FAT3: variants seen among roughly 807,000 people sequenced by gnomAD.
The protein encoded by FAT3 is protocadherin Fat 3.
FAT3 carries 95 observed loss-of-function variants against 310.2 expected under a neutral mutation model. That is an observed-to-expected ratio of 0.31 (90% CI 0.26 to 0.36). FAT3 has a LOEUF of 0.36. Ranked by LOEUF, FAT3 falls within the 10% of genes least tolerant of loss-of-function variation. The pLI, the probability that FAT3 is intolerant of heterozygous loss-of-function variation, is 1.00. For synonymous variants in FAT3, 2,314 were observed against 2,192.9 expected (o/e 1.06, Z -1.54); for missense variants, 5,408 against 5,715.6 (o/e 0.95, Z 1.74).
intron 1 of FAT3, among the ~76,000 whole-genome samples, chr11:92,263,937 T>C (rs1391640662): frequency 6.6e-6 from 1 of 152,106 alleles, no homozygotes; most frequent in Non-Finnish European, 1.5e-5. Context: ...GGCATTACGC[T>C]AGTGAGGCAG....
At chr11:92,827,935 C>T (rs1948142136) in intron 13 of FAT3, among the ~76,000 whole-genome samples, 1 of 152,180 alleles carries the variant, frequency 6.6e-6, no homozygotes, top group Non-Finnish European at 1.5e-5. Context: ...TCTTGGTAAC[C>T]TGGCATTTCA....
chr11:92,742,109 A>T (rs1185170016), intron 4 of FAT3, among the ~76,000 whole-genome samples: 1 of 152,224 alleles, frequency 6.6e-6, no homozygotes, highest in East Asian at 1.9e-4. Context: ...GCATTGTCTT[A>T]TCCCTCAGAG....
At chr11:92,458,298 T>A (rs1462603305) in intron 2 of FAT3, among the ~76,000 whole-genome samples, 1 of 152,208 alleles carries the variant, frequency 6.6e-6, no homozygotes, top group Non-Finnish European at 1.5e-5. Flanking sequence ...TGCCCATTAA[T>A]CTGTATTTGG....
In FAT3 at chr11:92,449,096, C is replaced by T. The variant is rs1486555930; in HGVS notation, c.3293-75538C>T. On this transcript the variant is annotated intron_variant, in intron 2 of 27. Coordinates refer to ENST00000525166, the MANE Select transcript of FAT3 (RefSeq NM_001367949.2). The stretch of plus-strand genomic sequence containing the variant: ...GTTGCAGATGCCTTCTCATTTACTC[C>T]TCACAATATCCTCATCCCTATTTTG... 2.0e-5 allele frequency among the ~76,000 whole-genome samples: 3 copies of T among 152,146 alleles called. No individual in the cohort carries two copies. The East Asian group carries it at 5.8e-4, about 29-fold the overall frequency.
intron 2 of FAT3, among the ~76,000 whole-genome samples, chr11:92,516,762 C>T (rs963898562): frequency 6.6e-6 from 1 of 152,168 alleles, no homozygotes; most frequent in Admixed American, 6.6e-5. Flanking sequence ...CCCCAAATTT[C>T]CTTAAGCTGA....
At chr11:92,335,775 T>C (rs1948055638) in intron 1 of FAT3, among the ~76,000 whole-genome samples, 1 of 152,030 alleles carries the variant, frequency 6.6e-6, no homozygotes, top group African/African-American at 2.4e-5. Context: ...ATTATGAACA[T>C]GTTATAAAAG....
At chr11:92,668,355 T>C (rs1204327861) in intron 3 of FAT3, among the ~76,000 whole-genome samples, 1 of 152,220 alleles carries the variant, frequency 6.6e-6, no homozygotes, top group Non-Finnish European at 1.5e-5. Flanking sequence ...CAAAGAAGAA[T>C]AAGACATGGT....
intron 3 of FAT3, among the ~76,000 whole-genome samples, chr11:92,561,974 G>A (rs913351619): frequency 3.9e-5 from 6 of 152,092 alleles, no homozygotes; most frequent in Admixed American, 2.0e-4. Context: ...TCCTGCTCAT[G>A]AAGTAGGAGT....
intron 19 of FAT3, among the ~76,000 whole-genome samples, chr11:92,845,749 A>G (rs1468547196): frequency 2.0e-5 from 3 of 152,172 alleles, no homozygotes; most frequent in Non-Finnish European, 4.4e-5. Context: ...GAGGGAGGCC[A>G]TTTGTAAAAC....
chr11:92,418,858 C>T (rs1950476344), intron 2 of FAT3, among the ~76,000 whole-genome samples: 1 of 152,098 alleles, frequency 6.6e-6, no homozygotes, highest in Admixed American at 6.6e-5. Flanking sequence ...AAAGAGAGAG[C>T]CCTGTCCTTA....
rs192511727 is a variant in FAT3, at chr11:92,250,060, A to T, written c.-18+24886A>T. Among the ~76,000 whole-genome samples, 256 of 152,210 alleles carry T rather than the reference A, an allele frequency of 1.7e-3. 2 individuals carry two copies. Among genetic ancestry groups the T allele is most frequent in the Middle Eastern group, 0.01 (3 of 294 alleles). On this transcript the variant is annotated intron_variant, in intron 1 of 27. Transcript: ENST00000525166. ...TGGTTGTAATAATTTTATGAGTTGA[A>T]GTCTTATTGTTATTATTTTTATTTA...
chr11:92,698,468 C>T (rs2135910343), intron 4 of FAT3, among the ~76,000 whole-genome samples: 1 of 152,262 alleles, frequency 6.6e-6, no homozygotes, highest in South Asian at 2.1e-4. Flanking sequence ...TTAGTTTCCC[C>T]TACTATGAAA....
intron 1 of FAT3, among the ~76,000 whole-genome samples, chr11:92,285,190 G>A (rs1471480375): frequency 1.3e-5 from 2 of 152,064 alleles, no homozygotes; most frequent in South Asian, 2.1e-4. Context: ...TTTTTAATAG[G>A]GAGGAATGAG....
At chr11:92,624,715 G>A (rs1941244325) in intron 3 of FAT3, among the ~76,000 whole-genome samples, 1 of 152,152 alleles carries the variant, frequency 6.6e-6, no homozygotes, top group African/African-American at 2.4e-5. Flanking sequence ...AGTCTGGCTT[G>A]GGGGTGTTTT....
chr11:92,534,207 G>A (rs1165206078), intron 3 of FAT3, among the ~76,000 whole-genome samples: 1 of 151,926 alleles, frequency 6.6e-6, no homozygotes, highest in South Asian at 2.1e-4. Context: ...CCAGAGCACA[G>A]GTCTACTCAC....
intron 1 of FAT3, among the ~76,000 whole-genome samples, chr11:92,264,996 G>A (rs1870297): frequency 0.28 from 41,990 of 151,562 alleles, 6,223 homozygotes; most frequent in South Asian, 0.39. Flanking sequence ...ATTCTGTTGG[G>A]GGTTTTTTAG....
intron 2 of FAT3, among the ~76,000 whole-genome samples, chr11:92,454,113 T>C (rs1041413504): frequency 6.6e-6 from 1 of 152,208 alleles, no homozygotes. Context: ...ATTGGTAAGA[T>C]ACTTTACATT....
chr11:92,269,542 T>C (rs1032209319), intron 1 of FAT3, among the ~76,000 whole-genome samples: 2 of 152,182 alleles, frequency 1.3e-5, no homozygotes, highest in African/African-American at 2.4e-5. Context: ...ATGCTATCTG[T>C]TGGAAGAGCC....
At chr11:92,405,687 G>A (rs1215731380) in intron 2 of FAT3, among the ~76,000 whole-genome samples, 1 of 152,204 alleles carries the variant, frequency 6.6e-6, no homozygotes, top group Non-Finnish European at 1.5e-5. Context: ...GGAGCTTGAA[G>A]CTGCAGTGAG....
Sources: allele counts gnomAD v4.1 joint callset (sites outside exome capture counted in the v4.1 genomes callset), GRCh38; gene constraint gnomAD v4.1.1; transcripts MANE v1.5; gene names NCBI Gene and HGNC (gene_info 2026-07-23, HGNC 2026-07-21).